The following GPM6A variants were observed in gnomAD, a reference collection of about 807,000 sequenced individuals.
The protein encoded by GPM6A is glycoprotein M6A, also known as neuronal membrane glycoprotein M6-a.
Under a neutral mutation model 32.1 loss-of-function variants are expected in GPM6A, and 7 were observed. That is an observed-to-expected ratio of 0.22 (90% CI 0.12 to 0.41). GPM6A has a LOEUF of 0.41. Ranked by LOEUF, GPM6A falls within the 10% of genes least tolerant of loss-of-function variation. The pLI is 1.00. For missense variants in GPM6A, 235 were observed against 347.2 expected (o/e 0.68, Z 2.57); for synonymous variants, 130 against 123.4 (o/e 1.05, Z -0.35).
intron 3 of GPM6A, chr4:175,654,337 C>T (rs748317420): frequency 1.3e-5 from 2 of 152,140 alleles, no homozygotes; most frequent in Non-Finnish European, 2.9e-5. Context: ...CTTTATACTT[C>T]CGTTTCTGTT....
upstream of GPM6A, among the ~76,000 whole-genome samples, chr4:175,815,680 T>A (rs1047361073): frequency 6.6e-6 from 1 of 151,198 alleles, no homozygotes; most frequent in Non-Finnish European, 1.5e-5. Context: ...ACATAGACAG[T>A]CCTCATCACT....
At chr4:175,858,834 A>C (rs1736491686) in intron 1 of GPM6A, among the ~76,000 whole-genome samples, 1 of 152,238 alleles carries the variant, frequency 6.6e-6, no homozygotes, top group Non-Finnish European at 1.5e-5. Flanking sequence ...AATGTCTATG[A>C]ACGAGTGAAC....
intron 1 of GPM6A, among the ~76,000 whole-genome samples, chr4:175,722,957 G>A (rs1243732742): frequency 1.3e-5 from 2 of 152,070 alleles, no homozygotes; most frequent in Non-Finnish European, 2.9e-5. Flanking sequence ...GCTCAAGTGG[G>A]AAGATTACTT....
intron 1 of GPM6A, among the ~76,000 whole-genome samples, chr4:175,893,040 C>A (rs941501786): frequency 5.9e-5 from 9 of 152,194 alleles, no homozygotes; most frequent in Admixed American, 5.2e-4. Context: ...AGCTTTTATT[C>A]TTCCATCTTA....
intron 6 of GPM6A, among the ~76,000 whole-genome samples, chr4:175,637,667 T>TATATA (rs1740836206): frequency 1.9e-3 from 1 of 532 alleles, no homozygotes; most frequent in Non-Finnish European, 0.011. Flanking sequence ...AAATATATAA[T>TATATA]ATATATAATA....
chr4:175,969,061 A>G (rs754742419), intron 1 of GPM6A, among the ~76,000 whole-genome samples: 7 of 152,190 alleles, frequency 4.6e-5, no homozygotes, highest in Non-Finnish European at 7.3e-5. Context: ...CTTCCATGCA[A>G]TGTAATGTTT....
chr4:175,816,869 T>C (rs969061955), upstream of GPM6A, among the ~76,000 whole-genome samples: 1 of 11,808 alleles, frequency 8.5e-5, no homozygotes, highest in Non-Finnish European at 2.0e-4. Flanking sequence ...TTTATTTTTA[T>C]TTTTTTTTTG....
intron 2 of GPM6A, among the ~76,000 whole-genome samples, chr4:175,688,780 G>A (rs2111030064): frequency 6.6e-6 from 1 of 152,276 alleles, no homozygotes; most frequent in Admixed American, 6.5e-5. Context: ...GTGTAATTAT[G>A]TACCAATAAA....
chr4:175,680,735 T>A (rs1489349734), intron 2 of GPM6A, among the ~76,000 whole-genome samples: 1 of 152,204 alleles, frequency 6.6e-6, no homozygotes, highest in Admixed American at 6.5e-5. Context: ...CCCATTTCAT[T>A]GGATCCTTGA....
intron 3 of GPM6A, among the ~76,000 whole-genome samples, chr4:175,665,045 A>G (rs1424874478): frequency 6.6e-6 from 1 of 152,190 alleles, no homozygotes; most frequent in Non-Finnish European, 1.5e-5. Flanking sequence ...AAAGTACAGT[A>G]AAAATATGGT....
intron 1 of GPM6A, among the ~76,000 whole-genome samples, chr4:175,973,830 G>A (rs769356734): frequency 3.4e-4 from 52 of 152,030 alleles, no homozygotes; most frequent in Non-Finnish European, 7.2e-4. Context: ...TGTCTTATCC[G>A]CTTTTAATAA....
chr4:175,650,298 ATTTAT>A (rs1217351845), intron 4 of GPM6A, among the ~76,000 whole-genome samples: 11 of 80,250 alleles, frequency 1.4e-4, no homozygotes, highest in African/African-American at 4.8e-4. Context: ...TTATTTATTT[ATTTAT>A]TTATTTATTT....
chr4:175,777,010 C>T (rs916165324), intron 1 of GPM6A, among the ~76,000 whole-genome samples: 1 of 152,068 alleles, frequency 6.6e-6, no homozygotes, highest in Admixed American at 6.6e-5. Flanking sequence ...GGTGTGTGCA[C>T]GTATTTTAAT....
At chr4:175,872,213 A>G (rs1053542613) in intron 1 of GPM6A, among the ~76,000 whole-genome samples, 1 of 152,118 alleles carries the variant, frequency 6.6e-6, no homozygotes, top group Admixed American at 6.6e-5. Context: ...GGTGTGGCTC[A>G]TGCCTTTCAG....
chr4:175,936,827 A>G (rs1427439254), intron 1 of GPM6A, among the ~76,000 whole-genome samples: 1 of 152,050 alleles, frequency 6.6e-6, no homozygotes, highest in Non-Finnish European at 1.5e-5. Context: ...TATATTTAGA[A>G]CTCTTAAAAA....
At chr4:175,762,402 T>C (rs1236605173) in intron 1 of GPM6A, among the ~76,000 whole-genome samples, 2 of 152,164 alleles carry the variant, frequency 1.3e-5, no homozygotes, top group Non-Finnish European at 2.9e-5. Flanking sequence ...CCCAACAACA[T>C]TTAGACTAGC....
At chr4:175,723,412 T>A (rs2111121332) in intron 1 of GPM6A, among the ~76,000 whole-genome samples, 1 of 152,312 alleles carries the variant, frequency 6.6e-6, no homozygotes, top group East Asian at 1.9e-4. Context: ...TTTCAACCAT[T>A]TATTTTATTT....
chr4:175,992,671 G>A (rs1179136481), intron 1 of GPM6A, among the ~76,000 whole-genome samples: 2 of 152,082 alleles, frequency 1.3e-5, no homozygotes, highest in Admixed American at 1.3e-4. Flanking sequence ...CTTCATCTCT[G>A]TTGATTCATT....
chr4:175,716,439 A>AGAC (rs1223717732), intron 1 of GPM6A, among the ~76,000 whole-genome samples: 2 of 152,014 alleles, frequency 1.3e-5, no homozygotes, highest in South Asian at 2.1e-4. Flanking sequence ...GAGGTAATTC[A>AGAC]AAAGTCTTCC....
Sources: allele counts gnomAD v4.1 joint callset (sites outside exome capture counted in the v4.1 genomes callset), GRCh38; gene constraint gnomAD v4.1.1; transcripts MANE v1.5; gene names NCBI Gene and HGNC (gene_info 2026-07-23, HGNC 2026-07-21).